The following DAB1 variants were observed in gnomAD, a reference collection of about 807,000 sequenced individuals.
DAB1 encodes the protein DAB adaptor protein 1.
Under a neutral mutation model 64.6 loss-of-function variants are expected in DAB1, and 15 were observed. The ratio of observed to expected loss-of-function variants is 0.23; its 90% CI spans 0.16 to 0.36. The LOEUF is 0.36. Ranked by LOEUF, DAB1 falls within the 10% of genes least tolerant of loss-of-function variation. DAB1 has a pLI of 1.00. For synonymous variants in DAB1, 235 were observed against 251.9 expected, an observed-to-expected ratio of 0.93 and a Z score of 0.64; for missense variants, 596 against 706.7, an observed-to-expected ratio of 0.84 and a Z score of 1.78.
Position 58,524,904 on chromosome 1 carries a change from G to A in DAB1, n.107+2357C>T, listed in dbSNP as rs543613130. Among the ~76,000 whole-genome samples, 5 of 152,296 alleles carry A rather than the reference G, an allele frequency of 3.3e-5. No individual in the cohort carries two copies. The East Asian group carries it at 9.7e-4, about 29-fold the overall frequency. On this transcript the variant is annotated intron_variant and non_coding_transcript_variant, in intron 2 of 20. Transcript: ENST00000485760. ...TACTGGAGAGAAAGCTGCTCACATG[G>A]AGATGATTAGTGTCTTCTGGTGTTT...
intron 7 of DAB1, among the ~76,000 whole-genome samples, chr1:57,447,923 G>A (rs1047070559): frequency 6.6e-6 from 1 of 152,148 alleles, no homozygotes; most frequent in African/African-American, 2.4e-5. Flanking sequence ...ATGATGGCAG[G>A]AAAGTCTATG....
chr1:57,177,780 C>CT (rs1209794508), intron 2 of DAB1, among the ~76,000 whole-genome samples: 1 of 152,052 alleles, frequency 6.6e-6, no homozygotes, highest in Non-Finnish European at 1.5e-5. Context: ...TTCTAGAATT[C>CT]TTTTTCCAAA....
intron 1 of DAB1, among the ~76,000 whole-genome samples, chr1:57,338,085 G>C (rs929932419): frequency 6.6e-6 from 1 of 151,990 alleles, no homozygotes; most frequent in Admixed American, 6.6e-5. Context: ...CCCAGTTTCA[G>C]GTGACTCTTC....
intron 5 of DAB1, among the ~76,000 whole-genome samples, chr1:58,103,343 G>C (rs1651438188): frequency 1.3e-5 from 2 of 152,078 alleles, no homozygotes; most frequent in South Asian, 4.2e-4. Flanking sequence ...TCTCCGTAAA[G>C]GGCCTGGGTG....
chr1:58,404,541 T>A (rs1182559620), intron 3 of DAB1, among the ~76,000 whole-genome samples: 3 of 152,152 alleles, frequency 2.0e-5, no homozygotes, highest in African/African-American at 7.2e-5. Context: ...TTACCTAGAT[T>A]AAGTTTGTCT....
intron 9 of DAB1, among the ~76,000 whole-genome samples, chr1:57,043,939 G>T (rs756527977): frequency 1.2e-4 from 18 of 151,898 alleles, no homozygotes; most frequent in Non-Finnish European, 1.8e-4. Flanking sequence ...CCACACTTGG[G>T]GTGTCAACTG....
At chr1:58,123,918 C>A (rs930330898) in intron 5 of DAB1, among the ~76,000 whole-genome samples, 1 of 152,146 alleles carries the variant, frequency 6.6e-6, no homozygotes. Context: ...AATACACACA[C>A]ACACACATAC....
chr1:58,522,612 G>C (rs1281010752), intron 2 of DAB1, among the ~76,000 whole-genome samples: 1 of 145,806 alleles, frequency 6.9e-6, no homozygotes, highest in Non-Finnish European at 1.5e-5. Flanking sequence ...GGAGGTTAAG[G>C]GCACTGACCC....
intron 4 of DAB1, among the ~76,000 whole-genome samples, chr1:57,130,880 C>T (rs941146725): frequency 7.2e-5 from 11 of 152,208 alleles, no homozygotes; most frequent in African/African-American, 2.4e-4. Flanking sequence ...TGTTTATGTG[C>T]TAAATAGGGT....
chr1:58,140,452 G>C (rs1235626133), intron 5 of DAB1, among the ~76,000 whole-genome samples: 1 of 152,042 alleles, frequency 6.6e-6, no homozygotes, highest in Non-Finnish European at 1.5e-5. Flanking sequence ...ATCCTTAAAA[G>C]CATGGAAATA....
chr1:58,299,735 G>A (rs1222528976), intron 4 of DAB1, among the ~76,000 whole-genome samples: 1 of 152,158 alleles, frequency 6.6e-6, no homozygotes. Flanking sequence ...AGCAAGAGAC[G>A]AATGAGCAGA....
intron 1 of DAB1, among the ~76,000 whole-genome samples, chr1:57,353,055 C>T (rs1270506005): frequency 6.6e-6 from 1 of 150,948 alleles, no homozygotes; most frequent in East Asian, 1.9e-4. Flanking sequence ...TGAGCCAATT[C>T]CTTATAATAA....
chr1:57,511,674 C>G (rs914114168), intron 7 of DAB1, among the ~76,000 whole-genome samples: 3 of 152,164 alleles, frequency 2.0e-5, no homozygotes, highest in African/African-American at 7.2e-5. Context: ...CTTGTTCACT[C>G]TATATCCCTA....
intron 2 of DAB1, among the ~76,000 whole-genome samples, chr1:57,253,419 C>T (rs963751661): frequency 2.0e-5 from 3 of 152,056 alleles, no homozygotes; most frequent in African/African-American, 4.8e-5. Flanking sequence ...TTGCAGTTGG[C>T]TCAAAATGCA....
At chr1:57,201,819 C>G (rs1665124958) in intron 2 of DAB1, among the ~76,000 whole-genome samples, 1 of 152,132 alleles carries the variant, frequency 6.6e-6, no homozygotes. Flanking sequence ...GAGCCTAGCA[C>G]AGAGCCTGAA....
chr1:57,277,964 C>G (rs1671600794), intron 2 of DAB1, among the ~76,000 whole-genome samples: 2 of 152,196 alleles, frequency 1.3e-5, no homozygotes, highest in Non-Finnish European at 2.9e-5. Flanking sequence ...CTGAAAGACT[C>G]AAGTGATGAT....
At chr1:57,993,867 T>A (rs192485003) in intron 5 of DAB1, among the ~76,000 whole-genome samples, 2 of 152,320 alleles carry the variant, frequency 1.3e-5, no homozygotes, top group South Asian at 4.1e-4. Context: ...AAGAGGCATT[T>A]AGGCATTCAT....
At chr1:58,524,447 T>A (rs1415482478) in intron 2 of DAB1, among the ~76,000 whole-genome samples, 1 of 152,254 alleles carries the variant, frequency 6.6e-6, no homozygotes, top group Non-Finnish European at 1.5e-5. Context: ...ATAATGACTT[T>A]GCTTTTTCTT....
intron 5 of DAB1, among the ~76,000 whole-genome samples, chr1:57,929,874 G>A (rs990786359): frequency 9.9e-5 from 15 of 152,084 alleles, no homozygotes; most frequent in Non-Finnish European, 2.2e-4. Flanking sequence ...CCTTAAGAAT[G>A]GCATCAAACC....
Sources: gnomAD v4.1 joint callset for allele counts (sites outside exome capture counted in the v4.1 genomes callset) on GRCh38, gnomAD v4.1.1 for gene constraint, MANE v1.5 for transcripts, NCBI Gene and HGNC (gene_info 2026-07-23, HGNC 2026-07-21) for gene names.